Variants in KTN1 observed in about 807,000 individuals in gnomAD.
The protein encoded by KTN1 is kinectin.
KTN1 carries 130 observed loss-of-function variants against 222.5 expected under a neutral mutation model. The ratio of observed to expected loss-of-function variants is 0.58; its 90% CI spans 0.51 to 0.68. The LOEUF (loss-of-function observed/expected upper bound fraction) is 0.68. Among genes scored for constraint, KTN1 ranks in the 30% least tolerant of loss-of-function variants. The pLI is 0.00. For missense variants in KTN1, 1,508 were observed against 1,500.4 expected (o/e 1.01, Z -0.08); for synonymous variants, 512 against 496.3 (o/e 1.03, Z -0.42).
Position 55,612,028 on chromosome 14 carries a change from G to T in KTN1, c.-21G>T. 1 of 1,366,456 alleles carries T rather than the reference G, an allele frequency of 7.3e-7. No individual in the cohort carries two copies. The highest frequency in any genetic ancestry group is 9.6e-7 in the Non-Finnish European group (1 of 1,041,188). The allele number at this position is 1,366,456 out of a possible 1,614,324, so 84.6% of individuals were successfully genotyped here. On this transcript the variant is annotated 5_prime_UTR_variant, in exon 2 of 44. Transcript: ENST00000395314. The stretch of plus-strand genomic sequence containing the variant: ...CTTCTTCCCTATTTAGGTTTTATAG[G>T]ATCACATTGACAAAAGTACCATGGA...
intron 1 of KTN1, among the ~76,000 whole-genome samples, chr14:55,581,394 A>G (rs1045119630): frequency 6.6e-6 from 1 of 152,198 alleles, no homozygotes; most frequent in South Asian, 2.1e-4. Flanking sequence ...CTTAGCCGCT[A>G]TTTAAGTTAG....
intron 32 of KTN1, chr14:55,663,316 A>T (rs2044346605): frequency 5.5e-6 from 1 of 182,042 alleles, no homozygotes; most frequent in Admixed American, 5.6e-5. Context: ...ATTTTTAATA[A>T]CCTCTTTCGC....
rs565077827 is a variant in KTN1, at chr14:55,619,153, CTTTG to C, written c.833-17_833-14del. 2.4e-4 allele frequency: 381 copies of C among 1,573,848 alleles called. 1 individual carries two copies. In the African/African-American group the frequency reaches 3.0e-3, roughly 12 times the overall value. ...TATTTGTGTTTTTTAAATGCCAACT[CTTTG>C]TTTGTTTGTTTTTTTCAAATTAAGA... On this transcript the variant is annotated intron_variant, in intron 4 of 43. Transcript: ENST00000395314.
intron 1 of KTN1, among the ~76,000 whole-genome samples, chr14:55,584,220 C>A (rs1324878435): frequency 6.6e-6 from 1 of 150,938 alleles, no homozygotes; most frequent in Non-Finnish European, 1.5e-5. Context: ...CCCCTTACCT[C>A]TAAGGTTAGC....
At chr14:55,581,249 G>A (rs1294094729) in intron 1 of KTN1, among the ~76,000 whole-genome samples, 1 of 152,188 alleles carries the variant, frequency 6.6e-6, no homozygotes, top group African/African-American at 2.4e-5. Context: ...CCCCGGACGC[G>A]GGCAGCGGCG....
rs561155495 is a variant in KTN1, at chr14:55,639,962, A to G, written c.1873A>G (p.Ser625Gly). 5 of 1,608,970 alleles carry G rather than the reference A, an allele frequency of 3.1e-6. No homozygotes were observed. The African/African-American group carries it at 6.7e-5, about 21-fold the overall frequency. Residue 625 changes from serine (S) to glycine (G), a missense_variant, in exon 14 of 44, where the codon AGT (serine) becomes GGT (glycine). Transcript: ENST00000395314. ...AAAACAGACTGAAGATTCTTTAGCAAGTGAACGTGATCGTTTAACAAGTAA... is the reference window on the plus strand; with the variant it reads ...AAAACAGACTGAAGATTCTTTAGCAGGTGAACGTGATCGTTTAACAAGTAA... ...QIKQTEDSLA[S>G]ERDRLTSKEE...
At chr14:55,591,581 C>CTTTTTTTTTTTTTTTTTT (rs71131297) in intron 1 of KTN1, among the ~76,000 whole-genome samples, 2 of 87,680 alleles carry the variant, frequency 2.3e-5, no homozygotes, top group East Asian at 4.1e-4. Context: ...TTCTCTCTTT[C>CTTTTTTTTTTTTTTTTTT]TTTTTTTTTT....
At position 55,648,014 on chromosome 14, in the gene KTN1, T is replaced by G. The variant is rs958019954; in HGVS notation, c.2208-11T>G. The G allele has an allele frequency of 1.6e-6, 2 of 1,270,348 alleles. No homozygotes were observed. The highest frequency in any genetic ancestry group is 2.2e-6 in the Non-Finnish European group (2 of 924,080). 78.7% of individuals were successfully genotyped at this position (1,270,348 alleles called of 1,614,324 possible). A position where few individuals can be genotyped will look rare whatever the true frequency, so the allele number is the denominator to read the frequency against. On this transcript the variant is annotated splice_polypyrimidine_tract_variant and intron_variant, in intron 19 of 43. Coordinates refer to ENST00000395314, the MANE Select transcript of KTN1 (RefSeq NM_001079521.2). ...ATAGTTAATACATGTGTTACAAATT[T>G]ATAATTTCAGCATTCAAGAAAAAGA... is the stretch of plus-strand genomic sequence containing the variant.
intron 43 of KTN1, chr14:55,680,492 T>G (rs1324579051): frequency 2.6e-6 from 1 of 390,884 alleles, no homozygotes; most frequent in African/African-American, 2.1e-5. Context: ...ATTCTTCTTT[T>G]GAAGATATTT....
chr14:55,665,000 T>C (rs1253707521), intron 33 of KTN1, among the ~76,000 whole-genome samples: 1 of 152,078 alleles, frequency 6.6e-6, no homozygotes, highest in East Asian at 1.9e-4. Context: ...AAATTTTTTT[T>C]TTTTTTAGCA....
chr14:55,615,116 T>A (rs2038158784), intron 2 of KTN1, among the ~76,000 whole-genome samples: 1 of 152,190 alleles, frequency 6.6e-6, no homozygotes, highest in Non-Finnish European at 1.5e-5. Context: ...CGCAAAGGAA[T>A]ATTTCAAGTG....
At chr14:55,615,225 T>A (rs1167230980) in intron 2 of KTN1, among the ~76,000 whole-genome samples, 1 of 152,208 alleles carries the variant, frequency 6.6e-6, no homozygotes, top group African/African-American at 2.4e-5. Context: ...TTAACAACTT[T>A]TAAGTGTGTA....
intron 2 of KTN1, among the ~76,000 whole-genome samples, chr14:55,612,869 A>G (rs1242081861): frequency 6.6e-6 from 1 of 151,156 alleles, no homozygotes; most frequent in Non-Finnish European, 1.5e-5. Context: ...CCTGGGCAAC[A>G]AAGTGAGACC....
chr14:55,641,887 T>C, intron 18 of KTN1, 127 bp downstream of exon 18: 1 of 661,580 alleles, frequency 1.5e-6, no homozygotes, highest in Admixed American at 2.6e-5. Context: ...GTTATTGCCT[T>C]TCTATTCATC....
At chr14:55,589,292 T>C (rs1335882112) in intron 1 of KTN1, among the ~76,000 whole-genome samples, 1 of 152,162 alleles carries the variant, frequency 6.6e-6, no homozygotes, top group African/African-American at 2.4e-5. Flanking sequence ...CATACTACTT[T>C]TGGTATAAAG....
intron 23 of KTN1, 68 bp downstream of exon 23, chr14:55,650,486 C>T (rs2042828839): frequency 1.2e-5 from 18 of 1,501,758 alleles, no homozygotes; most frequent in Middle Eastern, 1.7e-4. Flanking sequence ...CATTTAATTT[C>T]GTGTGTTTTT....
chr14:55,614,377 CA>C (rs2038043023), intron 2 of KTN1, among the ~76,000 whole-genome samples: 1 of 152,044 alleles, frequency 6.6e-6, no homozygotes, highest in Non-Finnish European at 1.5e-5. Context: ...ACAGAAGAAA[CA>C]AAGTTGAGAA....
intron 3 of KTN1, among the ~76,000 whole-genome samples, chr14:55,617,716 TAGA>T (rs2038583808): frequency 6.6e-6 from 1 of 152,166 alleles, no homozygotes; most frequent in African/African-American, 2.4e-5. Context: ...TAGATACCAT[TAGA>T]GGAGATATGC....
intron 12 of KTN1, among the ~76,000 whole-genome samples, 161 bp downstream of exon 12, chr14:55,638,008 G>A (rs1595012333): frequency 6.6e-6 from 1 of 151,852 alleles, no homozygotes; most frequent in Non-Finnish European, 1.5e-5. Flanking sequence ...AATTATGTAC[G>A]GTGCTGAGGG....
Sources: allele counts gnomAD v4.1 joint callset (sites outside exome capture counted in the v4.1 genomes callset), GRCh38; gene constraint gnomAD v4.1.1; transcripts MANE v1.5; gene names NCBI Gene and HGNC (gene_info 2026-07-23, HGNC 2026-07-21).